UBE2E1: variants seen among roughly 807,000 people sequenced by gnomAD.
The protein encoded by UBE2E1 is ubiquitin-conjugating enzyme E2 E1.
In UBE2E1, 6 loss-of-function variants were observed where a neutral mutation model predicts 21.4. The ratio of observed to expected loss-of-function variants is 0.28; its 90% CI spans 0.15 to 0.55. The LOEUF (loss-of-function observed/expected upper bound fraction) is 0.55. Among genes scored for constraint, UBE2E1 ranks in the 20% least tolerant of loss-of-function variants. UBE2E1 has a pLI of 0.93. For synonymous variants in UBE2E1, 87 were observed against 82.7 expected, an observed-to-expected ratio of 1.05 and a Z score of -0.28; for missense variants, 142 against 236.5, an observed-to-expected ratio of 0.60 and a Z score of 2.62.
Position 23,842,253 on chromosome 3 carries a change from T to TGTGGTGG in UBE2E1, c.203+30743_203+30744insGTGGTGG, listed in dbSNP as rs1559482500. Among the ~76,000 whole-genome samples the TGTGGTGG allele has an allele frequency of 2.8e-4, 16 of 56,794 alleles. No homozygotes were observed. The highest frequency in any genetic ancestry group is 1.0e-3 in the South Asian group (2 of 1,962). 37.3% of individuals were successfully genotyped at this position (56,794 alleles called of 152,430 possible). ...TGTGTGTGTGTGTGTGTGTGTGGTG[T>TGTGGTGG]TGTTGTTGTTGGCGACAGGGTCTCA... On this transcript the variant is annotated intron_variant, in intron 3 of 5. Transcript: ENST00000306627. The surrounding 1 kb of genome is among the most constrained non-coding windows in gnomAD (Gnocchi z 4.6).
At chr3:23,817,437 A>AG (rs1200423341) in intron 3 of UBE2E1, among the ~76,000 whole-genome samples, 2 of 89,602 alleles carry the variant, frequency 2.2e-5, no homozygotes, top group African/African-American at 6.7e-5. Context: ...AAAAAAAAAA[A>AG]AGAAAGAAAA....
chr3:23,842,233 GTGTGTGTGTGTGTGTGGTGT>G lies in UBE2E1; in HGVS notation c.203+30727_203+30746del, dbSNP rs1700104866. ...TGTGTGTGTGTGTGTGTGTGTGTGT[GTGTGTGTGTGTGTGTGGTGT>G]TGTTGTTGTTGGCGACAGGGTCTCA... is the stretch of plus-strand genomic sequence containing the variant. On this transcript the variant is annotated intron_variant, in intron 3 of 5. Coordinates refer to ENST00000306627, the MANE Select transcript of UBE2E1 (RefSeq NM_003341.5). The surrounding 1 kb of genome is among the most constrained non-coding windows in gnomAD (Gnocchi z 4.6). Among the ~76,000 whole-genome samples the G allele has an allele frequency of 2.4e-5, 2 of 82,406 alleles. No homozygotes were observed. The highest frequency in any genetic ancestry group is 8.7e-5 in the African/African-American group (2 of 22,890). 54.1% of individuals were successfully genotyped at this position (82,406 alleles called of 152,430 possible). A position where few individuals can be genotyped will look rare whatever the true frequency, so the allele number is the denominator to read the frequency against.
At chr3:23,833,084 A>G (rs1699903511) in intron 3 of UBE2E1, among the ~76,000 whole-genome samples, 2 of 152,232 alleles carry the variant, frequency 1.3e-5, no homozygotes, top group African/African-American at 2.4e-5. Flanking sequence ...AATTTTAACT[A>G]TATAACACCA....
chr3:23,818,636 G>A, intron 3 of UBE2E1, among the ~76,000 whole-genome samples: 1 of 152,186 alleles, frequency 6.6e-6, no homozygotes, highest in East Asian at 1.9e-4. Flanking sequence ...TGAGCATTTT[G>A]ATGCTTCCGT....
At position 23,810,433 on chromosome 3, in the gene UBE2E1, G is replaced by C. The variant is rs9821247; in HGVS notation, c.153-1027G>C. On this transcript the variant is annotated intron_variant, in intron 2 of 5. Coordinates refer to ENST00000306627, the MANE Select transcript of UBE2E1 (RefSeq NM_003341.5). This position sits in a 1 kb window ranked among gnomAD's most constrained non-coding sequence, Gnocchi z 5.8. ...AGGGTTGGTGCGGAGGGAGAAAACT[G>C]CAGGTCTCCAGTCTATCCCCAGTGT... 2 of 1,535,220 alleles carry C rather than the reference G, an allele frequency of 1.3e-6. No individual in the cohort carries two copies. Among genetic ancestry groups the C allele is most frequent in the African/African-American group, 2.7e-5 (2 of 72,992 alleles).
intron 3 of UBE2E1, among the ~76,000 whole-genome samples, chr3:23,885,142 C>G (rs1024346639): frequency 1.3e-5 from 2 of 152,190 alleles, no homozygotes; most frequent in Admixed American, 1.3e-4. Context: ...GGTTTCCAGA[C>G]AACTGTCTTC....
Position 23,887,731 on chromosome 3 carries a change from T to C in UBE2E1, c.336+32T>C, listed in dbSNP as rs1252382567. 4 of 1,584,154 alleles carry C rather than the reference T, an allele frequency of 2.5e-6. No homozygotes were observed. The highest frequency in any genetic ancestry group is 2.3e-5 in the South Asian group (2 of 85,508). On this transcript the variant is annotated intron_variant, in intron 4 of 5. Coordinates refer to ENST00000306627, the MANE Select transcript of UBE2E1 (RefSeq NM_003341.5). The surrounding 1 kb of genome is among the most constrained non-coding windows in gnomAD (Gnocchi z 4.4). ...AATCTCCCTGTATGCTCAAATTTACTAATTCCCACAAGAGAGCAACTGTTG... is the reference window on the plus strand; with the variant it reads ...AATCTCCCTGTATGCTCAAATTTACCAATTCCCACAAGAGAGCAACTGTTG...
chr3:23,827,412 G>A (rs1027264210), intron 3 of UBE2E1, among the ~76,000 whole-genome samples: 6 of 152,116 alleles, frequency 3.9e-5, no homozygotes, highest in African/African-American at 7.2e-5. Flanking sequence ...CACTGTGTGC[G>A]GTGGAGATTT....
At chr3:23,881,692 G>A (rs768961489) in intron 3 of UBE2E1, among the ~76,000 whole-genome samples, 2 of 152,196 alleles carry the variant, frequency 1.3e-5, no homozygotes, top group Admixed American at 1.3e-4. Flanking sequence ...GTACTTTTCT[G>A]CTCCCATTGT....
intron 3 of UBE2E1, among the ~76,000 whole-genome samples, chr3:23,828,993 AT>A (rs1340676637): frequency 6.6e-6 from 1 of 152,148 alleles, no homozygotes; most frequent in East Asian, 1.9e-4. Flanking sequence ...GGGGTGAAAA[AT>A]AAAAGCCCTC....
chr3:23,844,181 T>C (rs2125302566), intron 3 of UBE2E1, among the ~76,000 whole-genome samples: 1 of 152,212 alleles, frequency 6.6e-6, no homozygotes, highest in Middle Eastern at 3.4e-3. Context: ...CCAGTAAAGG[T>C]TGATTCCTTT....
At chr3:23,885,611 A>C (rs757455724) in intron 3 of UBE2E1, among the ~76,000 whole-genome samples, 6 of 152,248 alleles carry the variant, frequency 3.9e-5, no homozygotes, top group Non-Finnish European at 7.3e-5. Flanking sequence ...CTATAATCCC[A>C]GCACTCTGGG....
intron 3 of UBE2E1, among the ~76,000 whole-genome samples, chr3:23,826,462 G>T (rs1039716256): frequency 1.2e-4 from 19 of 152,202 alleles, no homozygotes; most frequent in African/African-American, 4.6e-4. Context: ...CAAGAGTTTG[G>T]CTTCCTCCTC....
chr3:23,851,138 T>TA (rs1188113631), intron 3 of UBE2E1, among the ~76,000 whole-genome samples: 1 of 152,166 alleles, frequency 6.6e-6, no homozygotes, highest in African/African-American at 2.4e-5. Context: ...CACCATTTGA[T>TA]AAAAAAGACT....
chr3:23,839,473 A>AAATAATAAT (rs56960999), intron 3 of UBE2E1, among the ~76,000 whole-genome samples: 9 of 150,968 alleles, frequency 6.0e-5, no homozygotes, highest in African/African-American at 1.9e-4. Flanking sequence ...CAAAAAAAGA[A>AAATAATAAT]AATAATAATA....
chr3:23,849,931 C>T (rs575138958), intron 3 of UBE2E1, among the ~76,000 whole-genome samples: 14 of 152,270 alleles, frequency 9.2e-5, no homozygotes, highest in Non-Finnish European at 2.1e-4. Flanking sequence ...GGAATTGCCA[C>T]ACTGTCTCCA....
intron 3 of UBE2E1, among the ~76,000 whole-genome samples, chr3:23,827,606 A>G (rs1261260334): frequency 2.0e-5 from 3 of 152,186 alleles, no homozygotes; most frequent in African/African-American, 7.2e-5. Flanking sequence ...CCTAACCATT[A>G]TACTCTACTG....
At chr3:23,837,806 A>G (rs1294828858) in intron 3 of UBE2E1, among the ~76,000 whole-genome samples, 2 of 152,202 alleles carry the variant, frequency 1.3e-5, no homozygotes, top group African/African-American at 4.8e-5. Context: ...AACTTTTGGC[A>G]TGTGGAAAAT....
chr3:23,854,243 C>CAAA (rs754330255), intron 3 of UBE2E1, among the ~76,000 whole-genome samples: 13 of 55,596 alleles, frequency 2.3e-4, no homozygotes, highest in South Asian at 6.2e-4. Context: ...GACTCAGTCT[C>CAAA]AAAAAAAAAA....
Sources: allele counts gnomAD v4.1 joint callset (sites outside exome capture counted in the v4.1 genomes callset), GRCh38; gene constraint gnomAD v4.1.1; non-coding constraint Gnocchi (gnomAD v3.1); transcripts MANE v1.5; gene names NCBI Gene and HGNC (gene_info 2026-07-23, HGNC 2026-07-21).